Variants in CHERP observed in about 807,000 individuals in gnomAD.
The protein encoded by CHERP is calcium homeostasis endoplasmic reticulum protein, also known as ERPROT 213-21.
Under a neutral mutation model 113.8 loss-of-function variants are expected in CHERP, and 8 were observed. That is an observed-to-expected ratio of 0.07 (90% CI 0.04 to 0.13). The LOEUF (loss-of-function observed/expected upper bound fraction) is 0.13. Ranked by LOEUF, CHERP falls within the 10% of genes least tolerant of loss-of-function variation. CHERP has a pLI of 1.00. For synonymous variants in CHERP, 559 were observed against 524.5 expected (o/e 1.07, Z -0.90); for missense variants, 884 against 1,298.2 (o/e 0.68, Z 4.90).
At chr19:16,536,533 C>T (rs2085742640) in intron 2 of CHERP, among the ~76,000 whole-genome samples, 1 of 152,140 alleles carries the variant, frequency 6.6e-6, no homozygotes, top group Non-Finnish European at 1.5e-5. Context: ...CCTCACTGGG[C>T]GCTCAAGTCA....
intron 10 of CHERP, among the ~76,000 whole-genome samples, chr19:16,524,686 G>T (rs191459456): frequency 3.4e-4 from 51 of 152,132 alleles, no homozygotes; most frequent in African/African-American, 1.2e-3. Flanking sequence ...TCAGGAGTTT[G>T]AAAGTAGCCT....
chr19:16,519,277 T>C lies in CHERP; in HGVS notation c.2633A>G (p.Asp878Gly), dbSNP rs1276249541. Residue 878 changes from aspartate to glycine, a missense_variant, in exon 17 of 17, where the codon GAT becomes GGT. Around this residue, in one of 8 missense-constraint regions of CHERP, gnomAD observed 42 missense variants for 105.1 expected, o/e 0.40. Coordinates refer to ENST00000546361, the MANE Select transcript of CHERP (RefSeq NM_006387.6). The surrounding 1 kb of genome is among the most constrained non-coding windows in gnomAD (Gnocchi z 6.0). ...CACGCCTTTATACTGGTCCCACTTA[T>C]CCCGGACGTCCCCGCCCTTGATGGG... The part of the protein sequence containing the change: ...QDPIKGGDVR[D>G]KWDQYKGVGV... 1.2e-6 allele frequency: 2 copies of C among 1,613,918 alleles called. No individual in the cohort carries two copies. The highest frequency in any genetic ancestry group is 2.2e-5 in the East Asian group (1 of 44,892).
rs1403136946 is a variant in CHERP, at chr19:16,530,760, C to CCCA, written c.786+6_786+8dup. ...GTCTTGCCCAACCCCCGGCCCGGGG[C>CCCA]CCACGCACCCGGGCGATCTTCTGCT... On this transcript the variant is annotated intron_variant, in intron 6 of 16. Coordinates refer to ENST00000546361, the MANE Select transcript of CHERP (RefSeq NM_006387.6). The surrounding 1 kb of genome is among the most constrained non-coding windows in gnomAD (Gnocchi z 4.1). The CCCA allele has an allele frequency of 6.2e-7, 1 of 1,613,896 alleles. No individual in the cohort carries two copies. Among genetic ancestry groups the CCCA allele is most frequent in the African/African-American group, 1.3e-5 (1 of 75,050 alleles).
In CHERP at chr19:16,535,777, C is replaced by G. The variant is rs533712464; in HGVS notation, c.200-141G>C. On this transcript the variant is annotated intron_variant, in intron 2 of 16. Coordinates refer to ENST00000546361, the MANE Select transcript of CHERP (RefSeq NM_006387.6). The surrounding 1 kb of genome is among the most constrained non-coding windows in gnomAD (Gnocchi z 4.3). The stretch of plus-strand genomic sequence containing the variant: ...GGGCCTGTTCATAGCCTCATGCCCA[C>G]GCAAACCAGCTCCTCCTAGTCTCGG... The G allele has an allele frequency of 6.7e-6, 5 of 743,950 alleles. No homozygotes were observed. In the East Asian group the frequency reaches 1.2e-4, roughly 18 times the overall value. 46.1% of individuals were successfully genotyped at this position (743,950 alleles called of 1,614,324 possible).
chr19:16,538,898 C>T (rs904514983), intron 2 of CHERP, among the ~76,000 whole-genome samples: 1 of 151,986 alleles, frequency 6.6e-6, no homozygotes, highest in Admixed American at 6.6e-5. Flanking sequence ...ATGCAACTGG[C>T]GCCCAAGTTC....
In CHERP at chr19:16,525,514, CTGTTCCAGGCGGCGTCGGGCTGGT is replaced by C. The variant is rs2085651514; in HGVS notation, c.1445_1468del (p.Asn482_Asn489del). The C allele has an allele frequency of 3.2e-6, 5 of 1,551,516 alleles. No individual in the cohort carries two copies. Among genetic ancestry groups the C allele is most frequent in the African/African-American group, 1.4e-5 (1 of 73,252 alleles). ...GCTGTTCCAGGGGCCCTCGAACTGG[CTGTTCCAGGCGGCGTCGGGCTGGT>C]TGTTCCAGGGCGCGTCGCGCTGGCC... is the stretch of plus-strand genomic sequence containing the variant. On this transcript the variant is annotated inframe_deletion, in exon 10 of 17. Coordinates refer to ENST00000546361, the MANE Select transcript of CHERP (RefSeq NM_006387.6). This position sits in a 1 kb window ranked among gnomAD's most constrained non-coding sequence, Gnocchi z 6.5.
In CHERP at chr19:16,525,786, G is replaced by T; in HGVS notation, c.1306-109C>A. On this transcript the variant is annotated intron_variant, in intron 9 of 16. Transcript: ENST00000546361. This position sits in a 1 kb window ranked among gnomAD's most constrained non-coding sequence, Gnocchi z 6.5. ...CGCTGGCTCAGACCATGGAGGCGCT[G>T]CCCTGGCCACGTTGAGGCGCCTCCT... 9.2e-7 allele frequency: 1 copy of T among 1,090,734 alleles called. No individual in the cohort carries two copies. Among genetic ancestry groups the T allele is most frequent in the Non-Finnish European group, 1.2e-6 (1 of 804,678 alleles). 67.6% of individuals were successfully genotyped at this position (1,090,734 alleles called of 1,614,324 possible).
At chr19:16,533,743 C>A (rs1263979415) in intron 3 of CHERP, among the ~76,000 whole-genome samples, 1 of 151,630 alleles carries the variant, frequency 6.6e-6, no homozygotes, top group Non-Finnish European at 1.5e-5. Flanking sequence ...GCCTGAGTGA[C>A]ACAGCAAGAC....
At chr19:16,533,716 T>C (rs2085722410) in intron 3 of CHERP, among the ~76,000 whole-genome samples, 1 of 152,078 alleles carries the variant, frequency 6.6e-6, no homozygotes, top group African/African-American at 2.4e-5. Context: ...GAGCTGTGAC[T>C]GTACCACTGC....
chr19:16,524,537 C>T (rs1348644978), intron 10 of CHERP, among the ~76,000 whole-genome samples: 1 of 142,152 alleles, frequency 7.0e-6, no homozygotes, highest in Admixed American at 7.1e-5. Context: ...GCCTGGGCAA[C>T]AGGGTGAGAC....
In CHERP at chr19:16,530,512, C is replaced by G; in HGVS notation, c.876+73G>C. The G allele has an allele frequency of 1.4e-6, 2 of 1,417,386 alleles. No individual in the cohort carries two copies. The highest frequency in any genetic ancestry group is 1.8e-4 in the Middle Eastern group (1 of 5,486). The allele number at this position is 1,417,386 out of a possible 1,614,324, so 87.8% of individuals were successfully genotyped here. A position where few individuals can be genotyped will look rare whatever the true frequency, so the allele number is the denominator to read the frequency against. On this transcript the variant is annotated intron_variant, in intron 7 of 16. Coordinates refer to ENST00000546361, the MANE Select transcript of CHERP (RefSeq NM_006387.6). The surrounding 1 kb of genome is among the most constrained non-coding windows in gnomAD (Gnocchi z 4.1). ...GGCTGCTGGGGTGGCAGCTGCTGTC[C>G]CCACACTCCCAAACCCTCCTGGGGA... is the stretch of plus-strand genomic sequence containing the variant.
chr19:16,541,220 A>G (rs2085777250), intron 2 of CHERP: 1 of 152,136 alleles, frequency 6.6e-6, no homozygotes, highest in Admixed American at 6.6e-5. Flanking sequence ...GCAAACTCCT[A>G]GTTATTCATT....
rs2085782744 is a variant in CHERP at position 16,541,895 on chromosome 19, G to A, written c.174C>T (p.Cys58=). 6 of 1,613,372 alleles carry A rather than the reference G, an allele frequency of 3.7e-6. No homozygotes were observed. The highest frequency in any genetic ancestry group is 1.3e-5 in the African/African-American group (1 of 75,010). The change falls in exon 2 of 17, where the codon TGC becomes TGT. Residue 58 remains cysteine (C), a synonymous_variant. Transcript: ENST00000546361. ...FGGEFYSYYK[C]KLALEQQQLI... The stretch of plus-strand genomic sequence containing the variant: ...GCTGCTGCTGCTCCAGCGCCAGCTT[G>A]CACTTGTAGTAACTGTAGAATTCGC...
rs576150824 is a variant in CHERP at position 16,522,352 on chromosome 19, G to A, written c.1981-698C>T. On this transcript the variant is annotated intron_variant, in intron 11 of 16. Coordinates refer to ENST00000546361, the MANE Select transcript of CHERP (RefSeq NM_006387.6). ...CGGCTCAGTGCAAGCTCCGCCTCCCGGGTTCATGCCATTCTCCTGCCTCAG... is the reference window on the plus strand; with the variant it reads ...CGGCTCAGTGCAAGCTCCGCCTCCCAGGTTCATGCCATTCTCCTGCCTCAG... Among the ~76,000 whole-genome samples, 20 of 150,754 alleles carry A rather than the reference G, an allele frequency of 1.3e-4. No individual in the cohort carries two copies. The East Asian group carries it at 2.2e-3, about 17-fold the overall frequency.
At chr19:16,533,460 C>T (rs758681080) in intron 3 of CHERP, among the ~76,000 whole-genome samples, 4 of 152,172 alleles carry the variant, frequency 2.6e-5, no homozygotes, top group Non-Finnish European at 5.9e-5. Context: ...TGCAAACCAA[C>T]TCAACAAAAA....
chr19:16,522,249 T>C (rs1228665631), intron 11 of CHERP, among the ~76,000 whole-genome samples: 1 of 144,176 alleles, frequency 6.9e-6, no homozygotes, highest in African/African-American at 2.5e-5. Context: ...GCCCCGGCCC[T>C]GGCCTCCCCA....
rs1297684880 is a variant in CHERP at position 16,542,375 on chromosome 19, C to T, written c.4G>A (p.Glu2Lys). The stretch of plus-strand genomic sequence containing the variant: ...TCACCATCGGGGGGCAGCGGCATCT[C>T]CATGGCTCCGGCCGCGGGGAACGTC... M[E>K]MPLPPDDQEL... The change falls in exon 1 of 17, where the codon GAG (glutamate) becomes AAG (lysine). Residue 2 changes from glutamate (E) to lysine (K), a missense_variant. By Grantham distance (56) the Glu-to-Lys change is moderately conservative. Transcript: ENST00000546361. 7.3e-7 allele frequency: 1 copy of T among 1,374,622 alleles called. No individual in the cohort carries two copies. The highest frequency in any genetic ancestry group is 9.5e-7 in the Non-Finnish European group (1 of 1,056,556). 85.2% of individuals were successfully genotyped at this position (1,374,622 alleles called of 1,614,324 possible). A position where few individuals can be genotyped will look rare whatever the true frequency, so the allele number is the denominator to read the frequency against.
intron 9 of CHERP, among the ~76,000 whole-genome samples, chr19:16,527,641 C>T (rs1296723097): frequency 1.3e-5 from 2 of 152,218 alleles, no homozygotes; most frequent in Non-Finnish European, 2.9e-5. Context: ...CATAGCAAAG[C>T]TGCATCTGAG....
In CHERP at chr19:16,520,378, G is replaced by C. The variant is rs1265936611; in HGVS notation, c.2331C>G (p.Ser777=). 6.2e-7 allele frequency: 1 copy of C among 1,613,830 alleles called. No homozygotes were observed. The highest frequency in any genetic ancestry group is 1.3e-5 in the African/African-American group (1 of 74,874). ...CCTCTGCCTACCTAGATCTGGAGCG[G>C]GAGTAGGAACGGGAGCAGGAGCGCG... ...SRSRSCSRSY[S]RSRSRSRSRS... The change falls in exon 14 of 17, where the codon TCC becomes TCG. Residue 777 remains serine, a synonymous_variant. Transcript: ENST00000546361. This position sits in a 1 kb window ranked among gnomAD's most constrained non-coding sequence, Gnocchi z 4.0.
Sources: gnomAD v4.1 joint callset for allele counts (sites outside exome capture counted in the v4.1 genomes callset) on GRCh38, gnomAD v4.1.1 for gene constraint, gnomAD v4.1.1 regional missense constraint, Gnocchi (gnomAD v3.1) non-coding constraint, MANE v1.5 for transcripts, NCBI Gene and HGNC (gene_info 2026-07-23, HGNC 2026-07-21) for gene names.